The following DHRSX variants were observed in gnomAD, a reference collection of about 807,000 sequenced individuals.
DHRSX encodes polyprenol dehydrogenase.
DHRSX carries 31 observed loss-of-function variants against 34.0 expected under a neutral mutation model. That is an observed-to-expected ratio of 0.91 (90% CI 0.69 to 1.23). The LOEUF (loss-of-function observed/expected upper bound fraction) is 1.23. Among genes scored for constraint, DHRSX ranks in the 50% most tolerant of loss-of-function variants. The pLI, the probability that DHRSX is intolerant of heterozygous loss-of-function variation, is 0.00. For synonymous variants in DHRSX, 201 were observed against 183.8 expected, an observed-to-expected ratio of 1.09 and a Z score of -0.76; for missense variants, 414 against 428.1, an observed-to-expected ratio of 0.97 and a Z score of 0.29.
chrX:2,251,087 T>C (rs1251804700), intron 5 of DHRSX, among the ~76,000 whole-genome samples: 1 of 152,092 alleles, frequency 6.6e-6, no homozygotes, highest in Non-Finnish European at 1.5e-5. Context: ...AGGGGCTCAG[T>C]TCTGCCTCCA....
At chrX:2,333,947 C>T (rs1275769072) in intron 3 of DHRSX, among the ~76,000 whole-genome samples, 1 of 152,160 alleles carries the variant, frequency 6.6e-6, no homozygotes, top group Non-Finnish European at 1.5e-5. Context: ...TTTACAGCTG[C>T]ACAGTATTCC....
At chrX:2,386,786 T>C (rs2043277526) in intron 3 of DHRSX, among the ~76,000 whole-genome samples, 1 of 152,204 alleles carries the variant, frequency 6.6e-6, no homozygotes, top group Non-Finnish European at 1.5e-5. Flanking sequence ...TTCATGCTAA[T>C]CTGTCCTTGC....
chrX:2,315,529 C>A (rs2042231875), intron 3 of DHRSX, among the ~76,000 whole-genome samples: 1 of 152,156 alleles, frequency 6.6e-6, no homozygotes, highest in Non-Finnish European at 1.5e-5. Flanking sequence ...CAGCTTGAAC[C>A]TAGCGAATAT....
At chrX:2,363,647 TTTA>T (rs2042964016) in intron 3 of DHRSX, among the ~76,000 whole-genome samples, 1 of 149,822 alleles carries the variant, frequency 6.7e-6, no homozygotes, top group African/African-American at 2.5e-5. Flanking sequence ...ATGCCGCCAT[TTTA>T]TCACCGTTCT....
At chrX:2,346,807 A>C (rs1359049091) in intron 3 of DHRSX, among the ~76,000 whole-genome samples, 1 of 148,236 alleles carries the variant, frequency 6.7e-6, no homozygotes, top group Non-Finnish European at 1.5e-5. Flanking sequence ...CCAGTCCCCT[A>C]CTCCCCGACA....
At chrX:2,346,199 G>A (rs1300250773) in intron 3 of DHRSX, among the ~76,000 whole-genome samples, 3 of 151,888 alleles carry the variant, frequency 2.0e-5, no homozygotes, top group African/African-American at 7.3e-5. Context: ...AGCAAAACCA[G>A]GCATCTCACT....
chrX:2,254,702 A>G (rs1479835778), intron 5 of DHRSX, among the ~76,000 whole-genome samples: 2 of 152,068 alleles, frequency 1.3e-5, no homozygotes, highest in African/African-American at 4.8e-5. Flanking sequence ...GGTGGAGTGC[A>G]GTGGTGCGAT....
chrX:2,417,059 T>C (rs924309926), intron 2 of DHRSX, among the ~76,000 whole-genome samples: 1 of 152,268 alleles, frequency 6.6e-6, no homozygotes, highest in Admixed American at 6.5e-5. Context: ...GCATAATTGA[T>C]TGGATTGACC....
At chrX:2,368,842 T>C (rs757517830) in intron 3 of DHRSX, among the ~76,000 whole-genome samples, 1 of 152,160 alleles carries the variant, frequency 6.6e-6, no homozygotes, top group African/African-American at 2.4e-5. Context: ...AGAACAAGAC[T>C]CTGTCTCAAA....
intron 3 of DHRSX, among the ~76,000 whole-genome samples, chrX:2,348,773 A>G (rs899468148): frequency 6.6e-6 from 1 of 151,706 alleles, no homozygotes; most frequent in African/African-American, 2.4e-5. Flanking sequence ...GGCTCACGGC[A>G]ACCTCCGCCT....
chrX:2,403,920 A>G (rs1303867423), intron 3 of DHRSX, among the ~76,000 whole-genome samples: 1 of 152,110 alleles, frequency 6.6e-6, no homozygotes, highest in African/African-American at 2.4e-5. Flanking sequence ...CATTTTCAGA[A>G]TCTAATAAAA....
intron 1 of DHRSX, among the ~76,000 whole-genome samples, chrX:2,478,434 C>T (rs770484779): frequency 2.0e-5 from 3 of 152,244 alleles, no homozygotes; most frequent in Non-Finnish European, 2.9e-5. Context: ...AAACTGAAGA[C>T]GTTTTCTAAG....
intron 3 of DHRSX, among the ~76,000 whole-genome samples, chrX:2,293,063 G>A (rs961627045): frequency 1.7e-4 from 26 of 152,132 alleles, no homozygotes; most frequent in Non-Finnish European, 3.7e-4. Context: ...GATTACAGGC[G>A]TGAGCAGCTG....
chrX:2,235,281 G>A (rs2015985707), intron 6 of DHRSX, among the ~76,000 whole-genome samples: 1 of 152,108 alleles, frequency 6.6e-6, no homozygotes, highest in Non-Finnish European at 1.5e-5. Context: ...ACCCTGAAAG[G>A]TGGGAGGTTG....
intron 1 of DHRSX, chrX:2,500,597 G>C (rs2045396877): frequency 5.0e-6 from 1 of 199,000 alleles, no homozygotes; most frequent in Non-Finnish European, 1.0e-5. Context: ...GGCCAGGCGC[G>C]CAGAAGAGCC....
At chrX:2,422,739 T>A (rs754399461) in intron 2 of DHRSX, among the ~76,000 whole-genome samples, 8 of 151,098 alleles carry the variant, frequency 5.3e-5, no homozygotes, top group African/African-American at 1.9e-4. Flanking sequence ...AACCCAGGAG[T>A]TCAAGACCAG....
chrX:2,354,316 C>T (rs1474699937), intron 3 of DHRSX, among the ~76,000 whole-genome samples: 1 of 152,206 alleles, frequency 6.6e-6, no homozygotes, highest in East Asian at 1.9e-4. Context: ...ACTTCGGCTG[C>T]ACCATGTTCC....
intron 3 of DHRSX, among the ~76,000 whole-genome samples, chrX:2,341,926 T>C (rs756679473): frequency 6.6e-6 from 1 of 152,204 alleles, no homozygotes; most frequent in East Asian, 1.9e-4. Context: ...TGCCTTAGCC[T>C]CCCAAGTATC....
At chrX:2,446,365 C>T (rs1204031333) in intron 1 of DHRSX, among the ~76,000 whole-genome samples, 5 of 151,432 alleles carry the variant, frequency 3.3e-5, no homozygotes, top group Admixed American at 2.0e-4. Flanking sequence ...GAAGACGTTC[C>T]CTAAGAATGT....
Sources: gnomAD v4.1 joint callset for allele counts (sites outside exome capture counted in the v4.1 genomes callset) on GRCh38, gnomAD v4.1.1 for gene constraint, MANE v1.5 for transcripts, NCBI Gene and HGNC (gene_info 2026-07-23, HGNC 2026-07-21) for gene names.